Variants in CCDC144A observed in about 807,000 individuals in gnomAD.
CCDC144A encodes the protein coiled-coil domain containing 144A.
In CCDC144A, 41 loss-of-function variants were observed where a neutral mutation model predicts 143.8. The ratio of observed to expected loss-of-function variants is 0.29; its 90% CI spans 0.22 to 0.37. CCDC144A has a LOEUF of 0.37. Ranked by LOEUF, CCDC144A falls within the 10% of genes least tolerant of loss-of-function variation. The probability of loss-of-function intolerance (pLI) is 1.00; values close to 1 mark genes in which losing one functional copy is unlikely to be tolerated. For missense variants in CCDC144A, 637 were observed against 1,488.8 expected (o/e 0.43, Z 9.41); for synonymous variants, 242 against 517.9 (o/e 0.47, Z 7.23).
chr17:16,744,885 A>G (rs1416557289), intron 12 of CCDC144A, among the ~76,000 whole-genome samples: 1 of 152,204 alleles, frequency 6.6e-6, no homozygotes, highest in African/African-American at 2.4e-5. Flanking sequence ...TAAAGTATCT[A>G]AAACTCAAAA....
chr17:16,770,113 A>G (rs1229855221), intron 15 of CCDC144A, among the ~76,000 whole-genome samples: 2 of 151,724 alleles, frequency 1.3e-5, no homozygotes, highest in South Asian at 4.2e-4. Flanking sequence ...GGCGTGAGCC[A>G]CCACACCTGG....
In CCDC144A at chr17:16,744,794, C is replaced by T. The variant is rs551964569; in HGVS notation, c.3372+9151C>T. ...GGTTAAAATCGCAGTGCCAAAAATA[C>T]ATTCACATTTAGCAATTTCACTGAA... is the stretch of plus-strand genomic sequence containing the variant. On this transcript the variant is annotated intron_variant, in intron 12 of 16. Transcript: ENST00000399273. Among the ~76,000 whole-genome samples the T allele has an allele frequency of 7.2e-5, 11 of 151,734 alleles. No homozygotes were observed. In the South Asian group the frequency reaches 2.3e-3, roughly 32 times the overall value.
intron 15 of CCDC144A, among the ~76,000 whole-genome samples, chr17:16,769,497 A>G (rs1248195551): frequency 1.3e-5 from 2 of 152,262 alleles, no homozygotes; most frequent in Non-Finnish European, 2.9e-5. Flanking sequence ...TTTTCTATAA[A>G]TAACTCACAA....
At chr17:16,676,026 G>T in the CCDC144A span, among the ~76,000 whole-genome samples, 1 of 151,954 alleles carries the variant, frequency 6.6e-6, no homozygotes, top group Middle Eastern at 3.2e-3. Context: ...GGGATTACAG[G>T]CATGAGCCAC....
At chr17:16,686,759 C>T (rs1399749598), upstream of CCDC144A, among the ~76,000 whole-genome samples, 1 of 150,282 alleles carries the variant, frequency 6.7e-6, no homozygotes, top group African/African-American at 2.5e-5. Flanking sequence ...CACACACACA[C>T]ACACACACAC....
the CCDC144A span, among the ~76,000 whole-genome samples, chr17:16,682,451 C>T: frequency 6.6e-6 from 1 of 151,852 alleles, no homozygotes; most frequent in East Asian, 1.9e-4. Flanking sequence ...TCAGACGGTG[C>T]TGGGTGTAGT....
chr17:16,679,780 A>C, the CCDC144A span, among the ~76,000 whole-genome samples: 509 of 152,182 alleles, frequency 3.3e-3, 10 homozygotes, highest in Middle Eastern at 0.038. Context: ...TTTTGTTGTT[A>C]CAGGCAGATC....
chr17:16,727,710 T>C lies in CCDC144A; in HGVS notation c.2075T>C (p.Ile692Thr), dbSNP rs535655357. 2.4e-5 allele frequency: 38 copies of C among 1,589,036 alleles called. No homozygotes were observed. The East Asian group carries it at 8.1e-4, about 34-fold the overall frequency. Reference protein sequence around the residue: ...KTKLQLELQKIEWEKELYDLR... With the variant: ...KTKLQLELQKTEWEKELYDLR... Reference sequence around the variant, plus strand: ...AAATTACAGTTAGAACTTCAAAAAATTGAATGGGAGAAAGAGCTGTACGAT... The same window carrying C: ...AAATTACAGTTAGAACTTCAAAAAACTGAATGGGAGAAAGAGCTGTACGAT... The change falls in exon 9 of 17, where the codon ATT becomes ACT. Residue 692 changes from isoleucine to threonine, a missense_variant. By Grantham distance (89) the Ile-to-Thr change is moderately conservative. Transcript: ENST00000399273.
At chr17:16,754,045 G>C (rs1914952307) in intron 12 of CCDC144A, among the ~76,000 whole-genome samples, 1 of 152,076 alleles carries the variant, frequency 6.6e-6, no homozygotes, top group South Asian at 2.1e-4. Context: ...TTTTCTTCTT[G>C]GTTCATTCTT....
intron 16 of CCDC144A, among the ~76,000 whole-genome samples, chr17:16,773,245 T>C (rs1219657428): frequency 4.6e-5 from 7 of 151,818 alleles, no homozygotes; most frequent in African/African-American, 1.7e-4. Context: ...GCCCAGGAGT[T>C]TGAGAGCAGC....
At chr17:16,705,993 G>C (rs905337516) in intron 3 of CCDC144A, 1 of 153,418 alleles carries the variant, frequency 6.5e-6, no homozygotes, top group Non-Finnish European at 1.5e-5. Context: ...TGAAGCAGGA[G>C]AATCGCTGGA....
At chr17:16,725,310 C>A (rs957088216) in intron 8 of CCDC144A, among the ~76,000 whole-genome samples, 3 of 151,696 alleles carry the variant, frequency 2.0e-5, no homozygotes, top group African/African-American at 7.3e-5. Context: ...TCCACTGGTC[C>A]CCCCAGTTCT....
the CCDC144A span, among the ~76,000 whole-genome samples, chr17:16,681,116 G>A: frequency 6.6e-6 from 1 of 151,690 alleles, no homozygotes; most frequent in Non-Finnish European, 1.5e-5. Flanking sequence ...AAGTATTCAG[G>A]GATAAAGAGA....
At chr17:16,773,378 G>A in intron 16 of CCDC144A, 119 bp from the exon 17 acceptor site, 2 of 1,351,276 alleles carry the variant, frequency 1.5e-6, no homozygotes, top group Non-Finnish European at 2.0e-6. Context: ...AGCCTGGGAG[G>A]ACAAGACTGC....
chr17:16,770,720 T>C (rs1915794718), intron 15 of CCDC144A, among the ~76,000 whole-genome samples: 1 of 152,068 alleles, frequency 6.6e-6, no homozygotes, highest in Non-Finnish European at 1.5e-5. Context: ...AACCACATTA[T>C]AGAAAACAGA....
chr17:16,742,930 G>T (rs1408699934), intron 12 of CCDC144A, among the ~76,000 whole-genome samples: 3 of 151,830 alleles, frequency 2.0e-5, no homozygotes, highest in African/African-American at 7.3e-5. Flanking sequence ...TTTTACTGTT[G>T]AGTTGTTTGA....
intron 5 of CCDC144A, among the ~76,000 whole-genome samples, chr17:16,711,136 G>GAAAAAAAAAAAAAAAAAAAAAA (rs1210697273): frequency 1.2e-3 from 27 of 21,764 alleles, no homozygotes; most frequent in Middle Eastern, 0.031. Context: ...GGATTCAAAT[G>GAAAAAAAAAAAAAAAAAAAAAA]AAAAAAAAAA....
At chr17:16,754,454 C>T (rs1914975458) in intron 12 of CCDC144A, among the ~76,000 whole-genome samples, 1 of 152,092 alleles carries the variant, frequency 6.6e-6, no homozygotes, top group Non-Finnish European at 1.5e-5. Flanking sequence ...GATTTTTTTC[C>T]CCATTTTCAT....
chr17:16,763,337 A>G (rs1193502110), intron 14 of CCDC144A, among the ~76,000 whole-genome samples: 1 of 151,378 alleles, frequency 6.6e-6, no homozygotes, highest in Non-Finnish European at 1.5e-5. Flanking sequence ...CCTCAGTGCC[A>G]AATGCTCAAG....
Sources: allele counts gnomAD v4.1 joint callset (sites outside exome capture counted in the v4.1 genomes callset), GRCh38; gene constraint gnomAD v4.1.1; transcripts MANE v1.5; gene names NCBI Gene and HGNC (gene_info 2026-07-23, HGNC 2026-07-21).